Variants in GPC3 observed in about 807,000 individuals in gnomAD.
GPC3 encodes the protein glypican 3.
Under a neutral mutation model 34.4 loss-of-function variants are expected in GPC3, and 3 were observed. The ratio of observed to expected loss-of-function variants is 0.09; its 90% CI spans 0.04 to 0.23. The LOEUF is 0.23. Ranked by LOEUF, GPC3 falls within the 10% of genes least tolerant of loss-of-function variation. The probability of loss-of-function intolerance (pLI) is 1.00; values close to 1 mark genes in which losing one functional copy is unlikely to be tolerated. For synonymous variants in GPC3, 177 were observed against 174.0 expected, an observed-to-expected ratio of 1.02 and a Z score of -0.13; for missense variants, 351 against 445.6, an observed-to-expected ratio of 0.79 and a Z score of 1.91.
intron 5 of GPC3, among the ~76,000 whole-genome samples, chrX:133,685,525 T>G (rs2070990886): frequency 9.0e-6 from 1 of 110,988 alleles, no homozygotes; most frequent in Admixed American, 9.7e-5. Flanking sequence ...GGAAGACTTG[T>G]CTGGTTAATG....
chrX:133,586,899 C>T (rs1241954761), intron 7 of GPC3, among the ~76,000 whole-genome samples: 1 of 111,346 alleles, frequency 9.0e-6, no homozygotes, highest in Non-Finnish European at 1.9e-5. Context: ...ATAATATATA[C>T]TGATCAGATC....
intron 2 of GPC3, among the ~76,000 whole-genome samples, chrX:133,784,959 G>A (rs2072086160): frequency 9.0e-6 from 1 of 111,631 alleles, no homozygotes; most frequent in Non-Finnish European, 1.9e-5. Context: ...ACTTCTTTTT[G>A]CATAGGGTTT....
At chrX:133,816,473 C>G (rs1441839967) in intron 2 of GPC3, among the ~76,000 whole-genome samples, 1 of 112,076 alleles carries the variant, frequency 8.9e-6, no homozygotes, top group African/African-American at 3.2e-5. Flanking sequence ...AAAGCTCAAT[C>G]AATTGCTCTC....
At chrX:133,779,747 A>G (rs749726825) in intron 2 of GPC3, among the ~76,000 whole-genome samples, 1 of 110,707 alleles carries the variant, frequency 9.0e-6, no homozygotes, top group East Asian at 2.8e-4. Context: ...GAAATTAAAA[A>G]AAAAACAGAA....
At chrX:133,826,461 C>T (rs966777464) in intron 2 of GPC3, among the ~76,000 whole-genome samples, 1 of 110,368 alleles carries the variant, frequency 9.1e-6, no homozygotes, top group African/African-American at 3.3e-5. Context: ...AAAGAATCAG[C>T]GAATTTGAAG....
chrX:133,783,102 T>A (rs1178765327), intron 2 of GPC3, among the ~76,000 whole-genome samples: 1 of 109,937 alleles, frequency 9.1e-6, no homozygotes, highest in East Asian at 2.9e-4. Flanking sequence ...CCCAAGCAGA[T>A]CAGGCCAAAC....
intron 2 of GPC3, among the ~76,000 whole-genome samples, chrX:133,877,762 T>A (rs1435305419): frequency 8.9e-6 from 1 of 112,037 alleles, no homozygotes; most frequent in Non-Finnish European, 1.9e-5. Context: ...TTATAAAAAA[T>A]TTACTGAACT....
chrX:133,708,634 A>C (rs905686185), intron 3 of GPC3, among the ~76,000 whole-genome samples: 1 of 112,056 alleles, frequency 8.9e-6, no homozygotes, highest in African/African-American at 3.2e-5. Flanking sequence ...ATAAAAGCTG[A>C]AACTATTTAA....
intron 6 of GPC3, among the ~76,000 whole-genome samples, chrX:133,631,990 A>ATG (rs2070371569): frequency 9.0e-6 from 1 of 110,991 alleles, no homozygotes; most frequent in South Asian, 3.7e-4. Flanking sequence ...GAATGAATGA[A>ATG]TGTGTGTGTG....
intron 6 of GPC3, 74 bp downstream of exon 6, chrX:133,661,656 T>C (rs1476915502): frequency 3.7e-5 from 4 of 108,512 alleles, no homozygotes; most frequent in Non-Finnish European, 5.0e-5. Context: ...TCTCTCCCCC[T>C]CTCTCTCTCC....
chrX:133,671,652 T>C (rs751022652), intron 5 of GPC3, among the ~76,000 whole-genome samples: 3 of 112,184 alleles, frequency 2.7e-5, no homozygotes, highest in South Asian at 7.5e-4. Flanking sequence ...ACCCAGGGCA[T>C]GTAAATCTGT....
chrX:133,704,161 A>T, intron 3 of GPC3: 1 of 815,706 alleles, frequency 1.2e-6, no homozygotes, highest in Non-Finnish European at 1.6e-6. Flanking sequence ...CCTCTCACCC[A>T]CAGCAGGACT....
intron 6 of GPC3, among the ~76,000 whole-genome samples, chrX:133,606,883 T>G (rs2124343058): frequency 8.9e-6 from 1 of 111,834 alleles, no homozygotes; most frequent in Admixed American, 9.6e-5. Flanking sequence ...CACAAAATAT[T>G]AATATTATAC....
rs919321972 is a variant in GPC3 at position 133,691,211 on chromosome X, A to C, written c.1292+1158T>G. Among the ~76,000 whole-genome samples, 9 of 111,519 alleles carry C rather than the reference A, an allele frequency of 8.1e-5. No homozygotes were observed. In the East Asian group the frequency reaches 2.5e-3, roughly 31 times the overall value. Reference sequence around the variant, plus strand: ...ATGATAGCATAGATTATATTAACAAATACTCGGCTGGGTGGAGTGGCTCAC... The same window carrying C: ...ATGATAGCATAGATTATATTAACAACTACTCGGCTGGGTGGAGTGGCTCAC... On this transcript the variant is annotated intron_variant, in intron 5 of 7. Coordinates refer to ENST00000370818, the MANE Select transcript of GPC3 (RefSeq NM_004484.4).
intron 2 of GPC3, among the ~76,000 whole-genome samples, chrX:133,870,622 C>T (rs2075990231): frequency 9.0e-6 from 1 of 111,404 alleles, no homozygotes; most frequent in African/African-American, 3.3e-5. Flanking sequence ...AAATGAGGAT[C>T]TTAAACATGA....
In GPC3 at chrX:133,753,836, A is replaced by G; in HGVS notation, c.678T>C (p.Thr226=). 8.3e-7 allele frequency: 1 copy of G among 1,209,404 alleles called. No homozygotes were observed. Among genetic ancestry groups the G allele is most frequent in the Non-Finnish European group, 1.1e-6 (1 of 893,644 alleles). The change falls in exon 3 of 8, where the codon ACT becomes ACC. Residue 226 remains threonine, a synonymous_variant. Transcript: ENST00000370818. The stretch of plus-strand genomic sequence containing the variant: ...GATTCAGAGCCTGAAGGAAGATCCT[A>G]GTGACTTGCAGTGACTTGGAAACCT... ...MTQVSKSLQV[T]RIFLQALNLG...
At position 133,703,967 on chromosome X, in the gene GPC3, GA is replaced by G. The variant is rs770780483; in HGVS notation, c.1033-3940del. Among the ~76,000 whole-genome samples, 442 of 112,429 alleles carry G rather than the reference GA, an allele frequency of 3.9e-3. 4 individuals are homozygous for G. Among genetic ancestry groups the G allele is most frequent in the African/African-American group, 0.013 (394 of 31,005 alleles). On this transcript the variant is annotated intron_variant, in intron 3 of 7. Transcript: ENST00000370818. ...AATACTAATGATAGCTGATGAGATA[GA>G]AGAAAAATCACCAAAAAATATCATA...
intron 5 of GPC3, chrX:133,671,018 ACT>A: frequency 1.8e-6 from 1 of 545,090 alleles, no homozygotes; most frequent in Non-Finnish European, 3.3e-6. Flanking sequence ...TGACCAACCG[ACT>A]ACTTCAGGGG....
intron 2 of GPC3, among the ~76,000 whole-genome samples, chrX:133,927,437 A>G (rs111679369): frequency 0.037 from 4,078 of 110,619 alleles, 160 homozygotes; most frequent in African/African-American, 0.11. Flanking sequence ...TGCAGCTGAC[A>G]ATATAAATAA....
Sources: allele counts gnomAD v4.1 joint callset (sites outside exome capture counted in the v4.1 genomes callset), GRCh38; gene constraint gnomAD v4.1.1; transcripts MANE v1.5; gene names NCBI Gene and HGNC (gene_info 2026-07-23, HGNC 2026-07-21).